The following NGEF variants were observed in gnomAD, a reference collection of about 807,000 sequenced individuals.
NGEF encodes neuronal guanine nucleotide exchange factor.
In NGEF, 31 loss-of-function variants were observed where a neutral mutation model predicts 80.9. The observed-to-expected ratio is 0.38, with a 90% CI of 0.29 to 0.52. The LOEUF is 0.52. NGEF is among the 20% of genes least tolerant of loss of function. The pLI is 0.84. For synonymous variants in NGEF, 371 were observed against 370.2 expected (o/e 1.00, Z -0.03); for missense variants, 709 against 926.2 (o/e 0.77, Z 3.04).
chr2:232,945,571 G>A (rs1693540264), intron 3 of NGEF, among the ~76,000 whole-genome samples: 1 of 152,168 alleles, frequency 6.6e-6, no homozygotes, highest in Non-Finnish European at 1.5e-5. Flanking sequence ...GCCAAGGAGT[G>A]CCAAGGGTGC....
chr2:232,883,502 C>T (rs760295781), intron 11 of NGEF, 36 bp from the exon 12 acceptor site: 28 of 1,528,632 alleles, frequency 1.8e-5, no homozygotes, highest in South Asian at 2.5e-5. Flanking sequence ...GTGTCAGCCC[C>T]GAGGAGGCCT....
At chr2:232,997,960 C>T (rs1288000363) in intron 1 of NGEF, among the ~76,000 whole-genome samples, 2 of 152,206 alleles carry the variant, frequency 1.3e-5, no homozygotes, top group African/African-American at 4.8e-5. Flanking sequence ...ATTTGGGAAA[C>T]GTGCCCCGAT....
chr2:232,999,737 G>C (rs1178275644), intron 1 of NGEF, among the ~76,000 whole-genome samples: 2 of 152,242 alleles, frequency 1.3e-5, no homozygotes, highest in African/African-American at 2.4e-5. Context: ...CAGGCCCAGC[G>C]CAAGGCAGAC....
At chr2:232,946,061 T>TA (rs1693550800) in intron 3 of NGEF, among the ~76,000 whole-genome samples, 2 of 108,440 alleles carry the variant, frequency 1.8e-5, no homozygotes, top group Admixed American at 2.2e-4. Flanking sequence ...AATATATATC[T>TA]GATATATATA....
Position 232,907,188 on chromosome 2 carries a change from G to GAAAAAAAAAAA in NGEF, c.829-12283_829-12273dup, listed in dbSNP as rs10654316. On this transcript the variant is annotated intron_variant, in intron 5 of 14. Coordinates refer to ENST00000264051, the MANE Select transcript of NGEF (RefSeq NM_019850.3). The stretch of plus-strand genomic sequence containing the variant: ...AAAAAAAAAAAGAAAAGAAAAAAAA[G>GAAAAAAAAAAA]AAAAAAAAAAAAAAAGGAGGAAAAC... 2.7e-4 allele frequency among the ~76,000 whole-genome samples: 30 copies of GAAAAAAAAAAA among 113,030 alleles called. 1 individual carries two copies. The highest frequency in any genetic ancestry group is 6.9e-4 in the Admixed American group (7 of 10,116). The allele number at this position is 113,030 out of a possible 152,430, so 74.2% of individuals were successfully genotyped here. A position where few individuals can be genotyped will look rare whatever the true frequency, so the allele number is the denominator to read the frequency against.
At chr2:233,010,260 G>C (rs777590652) in intron 1 of NGEF, among the ~76,000 whole-genome samples, 4 of 152,052 alleles carry the variant, frequency 2.6e-5, no homozygotes, top group Non-Finnish European at 4.4e-5. Context: ...TTACTGCAGG[G>C]CTCCCTCCCT....
At position 232,974,648 on chromosome 2, in the gene NGEF, G is replaced by C. The variant is rs773760930; in HGVS notation, c.243C>G (p.Pro81=). The change falls in exon 2 of 15, where the codon CCC becomes CCG. Residue 81 remains proline (P), a synonymous_variant. Transcript: ENST00000264051. The part of the protein sequence containing the change: ...RKSKAKARDN[P]ERNASCLADS... ...CTGCCAGGCAGCTGGCGTTCCGTTC[G>C]GGGTTGTCTCTGGCCTTGGCTTTGC... 1 of 1,614,190 alleles carries C rather than the reference G, an allele frequency of 6.2e-7. No individual in the cohort carries two copies. Among genetic ancestry groups the C allele is most frequent in the Non-Finnish European group, 8.5e-7 (1 of 1,180,040 alleles).
At chr2:232,888,190 T>C in intron 8 of NGEF, 83 bp from the exon 9 acceptor site, 2 of 975,858 alleles carry the variant, frequency 2.0e-6, no homozygotes, top group Non-Finnish European at 3.1e-6. Flanking sequence ...ACTACCTCCC[T>C]ACTGCACCAG....
chr2:232,974,592 A>G, intron 2 of NGEF, 31 bp downstream of exon 2: 1 of 1,604,842 alleles, frequency 6.2e-7, no homozygotes, highest in Non-Finnish European at 8.5e-7. Context: ...GATGTAAGGG[A>G]ACAGCCGTGA....
intron 3 of NGEF, among the ~76,000 whole-genome samples, chr2:232,953,301 C>CAAAAAAAAAAAAAAAAAAAAAAA (rs57652494): frequency 1.1e-5 from 1 of 91,246 alleles, no homozygotes; most frequent in African/African-American, 4.4e-5. Context: ...GACTCTGTGT[C>CAAAAAAAAAAAAAAAAAAAAAAA]AAAAAAAAAA....
Position 232,956,138 on chromosome 2 carries a change from A to G in NGEF, c.383+14076T>C, listed in dbSNP as rs539144778. On this transcript the variant is annotated intron_variant, in intron 3 of 14. Transcript: ENST00000264051. ...TATGAGGTAATTGAGGCTTGAGGAG[A>G]GCAAAGATTTATTTACCCGAGGCCA... Among the ~76,000 whole-genome samples the G allele has an allele frequency of 2.6e-5, 4 of 152,110 alleles. No individual in the cohort carries two copies. The East Asian group carries it at 7.8e-4, about 30-fold the overall frequency.
intron 3 of NGEF, among the ~76,000 whole-genome samples, chr2:232,959,841 AGT>A (rs1693908404): frequency 6.6e-6 from 1 of 152,270 alleles, no homozygotes; most frequent in East Asian, 1.9e-4. Context: ...GGCCTCCCAA[AGT>A]GCTGGGATTA....
chr2:232,939,693 ATTAT>A (rs1479975273), intron 3 of NGEF, among the ~76,000 whole-genome samples: 1 of 152,108 alleles, frequency 6.6e-6, no homozygotes, highest in African/African-American at 2.4e-5. Flanking sequence ...ACCAGTACTA[ATTAT>A]TCAAGAATTT....
intron 4 of NGEF, among the ~76,000 whole-genome samples, chr2:232,923,729 T>C (rs1358176169): frequency 1.3e-5 from 2 of 152,140 alleles, no homozygotes; most frequent in African/African-American, 4.8e-5. Context: ...AGCAAAAACC[T>C]ACCATGACAG....
Position 232,882,258 on chromosome 2 carries a change from T to A in NGEF, c.1765A>T (p.Met589Leu). The change falls in exon 13 of 15, where the codon ATG becomes TTG. Residue 589 changes from methionine to leucine, a missense_variant. This residue lies in a region of NGEF where 426 missense variants were observed against 622.9 expected (regional missense o/e 0.68). Transcript: ENST00000264051. ...GCCAGTGAGGTCATCCAACGCTTCA[T>A]CTCACTCCTGGCACAGGGAAGAGGA... ...YMLKASSQSE[M>L]KRWMTSLAPN... The A allele has an allele frequency of 6.2e-7, 1 of 1,613,520 alleles. No individual in the cohort carries two copies. Among genetic ancestry groups the A allele is most frequent in the Non-Finnish European group, 8.5e-7 (1 of 1,179,794 alleles).
At chr2:232,913,869 G>A (rs938703940) in intron 5 of NGEF, among the ~76,000 whole-genome samples, 4 of 152,252 alleles carry the variant, frequency 2.6e-5, no homozygotes, top group Admixed American at 6.5e-5. Context: ...GCAGTGAGCC[G>A]AGATCCTGCC....
intron 3 of NGEF, among the ~76,000 whole-genome samples, chr2:232,956,156 C>T (rs1054357567): frequency 8.6e-5 from 13 of 151,976 alleles, no homozygotes; most frequent in Non-Finnish European, 1.5e-4. Flanking sequence ...TTTATTTACC[C>T]GAGGCCACAT....
chr2:232,879,932 A>C (rs535409769), intron 14 of NGEF, among the ~76,000 whole-genome samples: 42 of 152,284 alleles, frequency 2.8e-4, no homozygotes, highest in African/African-American at 1.0e-3. Flanking sequence ...TTGACTTTGG[A>C]ACCCACTCTG....
chr2:232,932,528 A>G (rs983468529), intron 3 of NGEF, among the ~76,000 whole-genome samples: 2 of 151,038 alleles, frequency 1.3e-5, no homozygotes, highest in Non-Finnish European at 3.0e-5. Context: ...GTGCCTCAAA[A>G]CTCTTCTAGC....
Sources: allele counts gnomAD v4.1 joint callset (sites outside exome capture counted in the v4.1 genomes callset), GRCh38; gene constraint gnomAD v4.1.1; regional missense constraint gnomAD v4.1.1; transcripts MANE v1.5; gene names NCBI Gene and HGNC (gene_info 2026-07-23, HGNC 2026-07-21).